Variants in TMEM50A observed in about 807,000 individuals in gnomAD.
TMEM50A encodes the protein transmembrane protein 50A, also known as cervical cancer oncogene 9.
Under a neutral mutation model 23.9 loss-of-function variants are expected in TMEM50A, and 8 were observed. The ratio of observed to expected loss-of-function variants is 0.33; its 90% CI spans 0.20 to 0.60. TMEM50A has a LOEUF of 0.60. Among genes scored for constraint, TMEM50A ranks in the 20% least tolerant of loss-of-function variants. TMEM50A has a pLI of 0.81. For missense variants in TMEM50A, 178 were observed against 192.7 expected (o/e 0.92, Z 0.45); for synonymous variants, 55 against 60.4 (o/e 0.91, Z 0.41).
rs1429834593 is a variant in TMEM50A at position 25,360,765 on chromosome 1, T to C, written c.*60T>C. On this transcript the variant is annotated 3_prime_UTR_variant, in exon 7 of 7. Transcript: ENST00000374358. The stretch of plus-strand genomic sequence containing the variant: ...ATGGGTTTGTTTGTTTTTTTACTGC[T>C]CACTCCCAACCTTTTGTAATGCCAT... 14 of 1,570,078 alleles carry C rather than the reference T, an allele frequency of 8.9e-6. No individual in the cohort carries two copies. The highest frequency in any genetic ancestry group is 1.7e-5 in the Admixed American group (1 of 59,468).
At chr1:25,356,956 CT>C (rs751618708) in intron 6 of TMEM50A, 103 bp downstream of exon 6, 31 of 733,222 alleles carry the variant, frequency 4.2e-5, no homozygotes, top group Non-Finnish European at 6.8e-5. Flanking sequence ...TCCAATGCCC[CT>C]CCCCCATGAT....
chr1:25,353,084 C>G, intron 5 of TMEM50A, 110 bp downstream of exon 5: 1 of 855,546 alleles, frequency 1.2e-6, no homozygotes. Flanking sequence ...CAACTACTAG[C>G]GATGCATTTA....
intron 3 of TMEM50A, among the ~76,000 whole-genome samples, chr1:25,349,573 ATAAAT>A (rs1038175909): frequency 1.3e-5 from 2 of 152,260 alleles, no homozygotes; most frequent in African/African-American, 4.8e-5. Context: ...ATTTGTATGA[ATAAAT>A]TAAGACATCA....
chr1:25,351,417 G>T (rs935880374), intron 3 of TMEM50A, among the ~76,000 whole-genome samples: 1 of 152,074 alleles, frequency 6.6e-6, no homozygotes, highest in Non-Finnish European at 1.5e-5. Context: ...GCTGAAGTGG[G>T]AGGATCACTT....
intron 2 of TMEM50A, among the ~76,000 whole-genome samples, chr1:25,341,835 C>T (rs9645452): frequency 0.41 from 62,728 of 151,342 alleles, 14,219 homozygotes; most frequent in East Asian, 0.72. Flanking sequence ...GCCTGGACCA[C>T]GGATGAAGGC....
At chr1:25,350,609 A>G (rs1317195445) in intron 3 of TMEM50A, among the ~76,000 whole-genome samples, 2 of 151,880 alleles carry the variant, frequency 1.3e-5, no homozygotes, top group African/African-American at 4.8e-5. Flanking sequence ...GCTGGTCTTG[A>G]ACTCCTCACC....
intron 5 of TMEM50A, among the ~76,000 whole-genome samples, chr1:25,355,487 CT>C (rs1645324532): frequency 6.6e-6 from 1 of 152,172 alleles, no homozygotes; most frequent in African/African-American, 2.4e-5. Flanking sequence ...ATGTCTTTAT[CT>C]CATAATTTTA....
At chr1:25,341,417 C>T (rs1022525972) in intron 2 of TMEM50A, among the ~76,000 whole-genome samples, 2 of 152,172 alleles carry the variant, frequency 1.3e-5, no homozygotes, top group Non-Finnish European at 2.9e-5. Flanking sequence ...CGCCACTGCG[C>T]CCGGCTAATT....
At chr1:25,345,073 CCT>C (rs1311201179) in intron 3 of TMEM50A, among the ~76,000 whole-genome samples, 1 of 151,634 alleles carries the variant, frequency 6.6e-6, no homozygotes, top group Non-Finnish European at 1.5e-5. Flanking sequence ...ACTTCCCTCC[CCT>C]GTTGATCAGG....
intron 3 of TMEM50A, among the ~76,000 whole-genome samples, chr1:25,344,302 A>C (rs1265510886): frequency 6.6e-6 from 1 of 152,206 alleles, no homozygotes; most frequent in Non-Finnish European, 1.5e-5. Flanking sequence ...TTTCGAGCAG[A>C]GGAATGAAAT....
At position 25,351,641 on chromosome 1, in the gene TMEM50A, G is replaced by T; in HGVS notation, c.222G>T (p.Ser74=). The part of the protein sequence containing the change: ...TIAFLMINAV[S]NGQVRGDSYS... Reference sequence around the variant, plus strand: ...ATTCATACAGGATTAATGCAGTATCGAATGGACAAGTCCGAGGTGATAGTT... The same window carrying T: ...ATTCATACAGGATTAATGCAGTATCTAATGGACAAGTCCGAGGTGATAGTT... Residue 74 remains serine (S), a synonymous_variant, in exon 4 of 7, where the codon TCG becomes TCT. Coordinates refer to ENST00000374358, the MANE Select transcript of TMEM50A (RefSeq NM_014313.4). The T allele has an allele frequency of 1.2e-6, 2 of 1,612,616 alleles. No individual in the cohort carries two copies. Among genetic ancestry groups the T allele is most frequent in the South Asian group, 1.1e-5 (1 of 90,652 alleles).
chr1:25,344,402 A>T (rs1443237680), intron 3 of TMEM50A, among the ~76,000 whole-genome samples: 1 of 152,226 alleles, frequency 6.6e-6, no homozygotes. Context: ...TATAAGCACC[A>T]TGACTCTGTG....
chr1:25,356,425 G>A (rs1245176653), intron 5 of TMEM50A, among the ~76,000 whole-genome samples: 2 of 152,134 alleles, frequency 1.3e-5, no homozygotes, highest in Admixed American at 1.3e-4. Flanking sequence ...CTGGCCATCT[G>A]TGTCCAATGT....
chr1:25,350,605 C>T (rs1378484668), intron 3 of TMEM50A, among the ~76,000 whole-genome samples: 2 of 152,058 alleles, frequency 1.3e-5, no homozygotes, highest in Non-Finnish European at 2.9e-5. Flanking sequence ...TCAGGCTGGT[C>T]TTGAACTCCT....
Position 25,340,577 on chromosome 1 carries a change from CTAGTAAGTGTCATTGAT to C in TMEM50A, c.93+1_93+17del. 2 of 1,611,344 alleles carry C rather than the reference CTAGTAAGTGTCATTGAT, an allele frequency of 1.2e-6. No individual in the cohort carries two copies. Among genetic ancestry groups the C allele is most frequent in the Non-Finnish European group, 1.7e-6 (2 of 1,178,754 alleles). On this transcript the variant is annotated splice_donor_variant and splice_donor_5th_base_variant and coding_sequence_variant and intron_variant, in exon 2 of 7. Transcript: ENST00000374358. LOFTEE classifies it high-confidence loss of function. ...TATTGCTTCCATTGCTGCTGGTGTACTAGTAAGTGTCATTGATTATTTGGGCCTTATTTTTTGGTGCG... is the reference window on the plus strand; with the variant it reads ...TATTGCTTCCATTGCTGCTGGTGTACTATTTGGGCCTTATTTTTTGGTGCG...
intron 3 of TMEM50A, among the ~76,000 whole-genome samples, chr1:25,347,378 G>A (rs1156567104): frequency 6.6e-6 from 1 of 152,080 alleles, no homozygotes; most frequent in Admixed American, 6.6e-5. Flanking sequence ...TGGGATTACA[G>A]ACGCCCACCA....
At chr1:25,354,759 G>A (rs1248387032) in intron 5 of TMEM50A, among the ~76,000 whole-genome samples, 1 of 151,814 alleles carries the variant, frequency 6.6e-6, no homozygotes, top group African/African-American at 2.4e-5. Flanking sequence ...GATATTATAA[G>A]TTAGTTGTTC....
chr1:25,351,527 A>T, intron 3 of TMEM50A, 99 bp from the exon 4 acceptor site: 2 of 976,318 alleles, frequency 2.0e-6, no homozygotes, highest in Non-Finnish European at 2.9e-6. Flanking sequence ...AAAAAAAAAG[A>T]CTTTCAGGCC....
intron 2 of TMEM50A, 105 bp downstream of exon 2, chr1:25,340,684 G>C: frequency 1.4e-6 from 1 of 717,060 alleles, no homozygotes; most frequent in Non-Finnish European, 2.2e-6. Context: ...TTTTATCTTT[G>C]ACCACTTTGA....
Sources: allele counts gnomAD v4.1 joint callset (sites outside exome capture counted in the v4.1 genomes callset), GRCh38; gene constraint gnomAD v4.1.1; transcripts MANE v1.5; gene names NCBI Gene and HGNC (gene_info 2026-07-23, HGNC 2026-07-21).